Variants in CPEB1 observed in about 807,000 individuals in gnomAD.
The protein encoded by CPEB1 is cytoplasmic polyadenylation element-binding protein 1.
Under a neutral mutation model 65.8 loss-of-function variants are expected in CPEB1, and 7 were observed. The ratio of observed to expected loss-of-function variants is 0.11; its 90% CI spans 0.06 to 0.20. The LOEUF is 0.20. Ranked by LOEUF, CPEB1 falls within the 10% of genes least tolerant of loss-of-function variation. CPEB1 has a pLI of 1.00. For missense variants in CPEB1, 551 were observed against 712.2 expected (o/e 0.77, Z 2.58); for synonymous variants, 262 against 260.0 (o/e 1.01, Z -0.08).
chr15:82,615,257 C>T (rs1295802693), intron 3 of CPEB1, among the ~76,000 whole-genome samples: 1 of 152,196 alleles, frequency 6.6e-6, no homozygotes, highest in African/African-American at 2.4e-5. Flanking sequence ...TACACCACCA[C>T]ATGATGGATC....
intron 4 of CPEB1, chr15:82,562,200 T>C (rs1485378741): frequency 2.2e-6 from 1 of 455,610 alleles, no homozygotes; most frequent in South Asian, 1.6e-5. Context: ...CTGTTTGTCT[T>C]CACATTCCTC....
At chr15:82,608,734 G>T (rs1294053826) in intron 3 of CPEB1, among the ~76,000 whole-genome samples, 1 of 151,426 alleles carries the variant, frequency 6.6e-6, no homozygotes, top group Non-Finnish European at 1.5e-5. Context: ...TCCTTATTCT[G>T]CCATTTCACT....
intron 3 of CPEB1, among the ~76,000 whole-genome samples, chr15:82,624,615 C>A (rs189166937): frequency 2.6e-4 from 40 of 152,282 alleles, no homozygotes; most frequent in Middle Eastern, 6.8e-3. Context: ...AACATCGTCA[C>A]CAGACCCTGG....
intron 3 of CPEB1, among the ~76,000 whole-genome samples, chr15:82,589,107 AAC>A (rs1015599663): frequency 2.6e-5 from 4 of 152,202 alleles, no homozygotes; most frequent in Non-Finnish European, 5.9e-5. Flanking sequence ...AGTCCAAGCC[AAC>A]ACACTTCTCA....
chr15:82,560,405 T>TG (rs2037994075), intron 4 of CPEB1, among the ~76,000 whole-genome samples: 1 of 151,284 alleles, frequency 6.6e-6, no homozygotes, highest in South Asian at 2.1e-4. Context: ...CATTTGTTTT[T>TG]TTTTTTTTTT....
intron 9 of CPEB1, 70 bp downstream of exon 9, chr15:82,552,410 T>C: frequency 8.2e-6 from 12 of 1,460,186 alleles, no homozygotes; most frequent in Non-Finnish European, 1.1e-5. Flanking sequence ...CCTATCCACC[T>C]ACCACAAGAA....
Position 82,549,594 on chromosome 15 carries a change from T to A in CPEB1, c.1346A>T (p.Asp449Val). 1 of 1,613,832 alleles carries A rather than the reference T, an allele frequency of 6.2e-7. No homozygotes were observed. The highest frequency in any genetic ancestry group is 1.3e-5 in the African/African-American group (1 of 74,914). Residue 449 changes from aspartate to valine, a missense_variant, in exon 10 of 13, where the codon GAC becomes GTC. Asp to Val is a radical substitution (Grantham distance 152). Transcript: ENST00000684509. Reference sequence around the variant, plus strand: ...ACCGACAAACACCGTCCTGCTGGGGTCAAGCCTCTGAGATGGGCTCCGGAC... The same window carrying A: ...ACCGACAAACACCGTCCTGCTGGGGACAAGCCTCTGAGATGGGCTCCGGAC... The part of the protein sequence containing the change: ...NFVRSPSQRL[D>V]PSRTVFVGAL...
chr15:82,562,181 A>C (rs571643732), intron 4 of CPEB1: 90 of 446,022 alleles, frequency 2.0e-4, no homozygotes, highest in Non-Finnish European at 3.4e-4. Flanking sequence ...AATCTTTAGG[A>C]CTTCACATCT....
chr15:82,621,241 T>C (rs1438341910), intron 3 of CPEB1, among the ~76,000 whole-genome samples: 2 of 151,840 alleles, frequency 1.3e-5, no homozygotes, highest in Admixed American at 6.6e-5. Context: ...CCCAGCAACT[T>C]GGGAGGCTGA....
chr15:82,639,632 T>G (rs1322962447), intron 1 of CPEB1, among the ~76,000 whole-genome samples: 1 of 152,204 alleles, frequency 6.6e-6, no homozygotes, highest in Non-Finnish European at 1.5e-5. Context: ...ACAGAAAAGA[T>G]TTAAAGTAAC....
intron 3 of CPEB1, among the ~76,000 whole-genome samples, chr15:82,588,622 T>C (rs149000938): frequency 2.2e-4 from 33 of 152,290 alleles, no homozygotes; most frequent in Non-Finnish European, 4.1e-4. Context: ...CTTCTACAAA[T>C]AAGGCAATGA....
At chr15:82,622,823 C>A (rs1382441457) in intron 3 of CPEB1, among the ~76,000 whole-genome samples, 1 of 152,174 alleles carries the variant, frequency 6.6e-6, no homozygotes, top group Non-Finnish European at 1.5e-5. Flanking sequence ...TCTTGGAAGA[C>A]CCTCTTGCTT....
In CPEB1 at chr15:82,561,225, A is replaced by C. The variant is rs545159270; in HGVS notation, c.461-3239T>G. 2.0e-5 allele frequency among the ~76,000 whole-genome samples: 3 copies of C among 152,350 alleles called. No individual in the cohort carries two copies. The South Asian group carries it at 6.2e-4, about 32-fold the overall frequency. ...TATTAGATAAGTCATTCATGTGGAC[A>C]CTAAAAAGACCGATGGTGATAACTG... On this transcript the variant is annotated intron_variant, in intron 4 of 12. Transcript: ENST00000684509.
intron 4 of CPEB1, among the ~76,000 whole-genome samples, chr15:82,567,901 C>T (rs60943160): frequency 0.022 from 3,414 of 152,214 alleles, 114 homozygotes; most frequent in African/African-American, 0.078. Context: ...ACAAATCCAG[C>T]GGGTGGTACA....
At chr15:82,547,390 G>A (rs368755551) in intron 10 of CPEB1, among the ~76,000 whole-genome samples, 153 bp from the exon 11 acceptor site, 3 of 143,660 alleles carry the variant, frequency 2.1e-5, no homozygotes, top group South Asian at 2.2e-4. Flanking sequence ...TCTGCCTCCC[G>A]GTTTCACGCC....
chr15:82,594,813 A>G (rs969168305), intron 3 of CPEB1, among the ~76,000 whole-genome samples: 1 of 151,208 alleles, frequency 6.6e-6, no homozygotes, highest in Non-Finnish European at 1.5e-5. Context: ...AGGGTTATTA[A>G]TTTTCCTAAT....
At chr15:82,616,151 G>A (rs1324450836) in intron 3 of CPEB1, among the ~76,000 whole-genome samples, 3 of 151,936 alleles carry the variant, frequency 2.0e-5, no homozygotes, top group Non-Finnish European at 4.4e-5. Flanking sequence ...TGACAATCAG[G>A]AGGCGGCATG....
chr15:82,625,937 G>A (rs1471824033), intron 3 of CPEB1, among the ~76,000 whole-genome samples: 1 of 151,610 alleles, frequency 6.6e-6, no homozygotes, highest in Non-Finnish European at 1.5e-5. Context: ...TGGCCAACAT[G>A]GCGAAACCCC....
At chr15:82,593,425 T>C (rs911554562) in intron 3 of CPEB1, among the ~76,000 whole-genome samples, 1 of 152,204 alleles carries the variant, frequency 6.6e-6, no homozygotes, top group Non-Finnish European at 1.5e-5. Flanking sequence ...AGTTTTATCA[T>C]GAGATTGCAG....
Sources: allele counts gnomAD v4.1 joint callset (sites outside exome capture counted in the v4.1 genomes callset), GRCh38; gene constraint gnomAD v4.1.1; transcripts MANE v1.5; gene names NCBI Gene and HGNC (gene_info 2026-07-23, HGNC 2026-07-21).